RAD51B: variants seen among roughly 807,000 people sequenced by gnomAD.
RAD51B encodes the protein DNA repair protein RAD51 homolog 2.
In RAD51B, 38 loss-of-function variants were observed where a neutral mutation model predicts 42.2. The ratio of observed to expected loss-of-function variants is 0.90; its 90% CI spans 0.70 to 1.18. RAD51B has a LOEUF of 1.18. Among genes scored for constraint, RAD51B ranks in the 50% most tolerant of loss-of-function variants. RAD51B has a pLI of 0.00. For missense variants in RAD51B, 373 were observed against 400.7 expected (o/e 0.93, Z 0.59); for synonymous variants, 154 against 145.2 (o/e 1.06, Z -0.43).
intron 8 of RAD51B, among the ~76,000 whole-genome samples, chr14:68,297,085 C>G (rs1160259237): frequency 1.3e-5 from 2 of 152,186 alleles, no homozygotes; most frequent in Admixed American, 1.3e-4. Flanking sequence ...CTGCGAAAAG[C>G]TGGAGTCCAT....
chr14:67,867,572 T>G (rs2042369370), intron 5 of RAD51B, among the ~76,000 whole-genome samples: 2 of 152,226 alleles, frequency 1.3e-5, no homozygotes, highest in Non-Finnish European at 2.9e-5. Flanking sequence ...TCTTGTAGAT[T>G]TCTCACTGAG....
chr14:67,956,139 C>T (rs143241094), intron 7 of RAD51B, among the ~76,000 whole-genome samples: 244 of 152,220 alleles, frequency 1.6e-3, no homozygotes, highest in African/African-American at 5.6e-3. Context: ...AACAGAGACA[C>T]CAGATTCTTT....
At chr14:68,036,511 C>T (rs946635826) in intron 7 of RAD51B, among the ~76,000 whole-genome samples, 3 of 152,144 alleles carry the variant, frequency 2.0e-5, no homozygotes, top group East Asian at 3.8e-4. Flanking sequence ...TCAGCCTCTG[C>T]GTTTAGTACA....
Position 68,477,821 on chromosome 14 carries a change from C to G in RAD51B, c.*157C>G. The G allele has an allele frequency of 6.8e-7, 1 of 1,461,184 alleles. No homozygotes were observed. The highest frequency in any genetic ancestry group is 9.0e-7 in the Non-Finnish European group (1 of 1,107,308). 90.5% of individuals were successfully genotyped at this position (1,461,184 alleles called of 1,614,324 possible). A position where few individuals can be genotyped will look rare whatever the true frequency, so the allele number is the denominator to read the frequency against. On this transcript the variant is annotated 3_prime_UTR_variant, in exon 11 of 11. Coordinates refer to ENST00000471583, the MANE Select transcript of RAD51B (RefSeq NM_133510.4). ...ACAGATTTGCTCCTAAACCATTGAG[C>G]TAGCGATTTCAGACCTAGCAGGGAA...
At chr14:67,889,255 A>C (rs777927001) in intron 7 of RAD51B, among the ~76,000 whole-genome samples, 1 of 151,724 alleles carries the variant, frequency 6.6e-6, no homozygotes, top group Non-Finnish European at 1.5e-5. Flanking sequence ...CCTTTAGAAA[A>C]TGTTGGAATT....
chr14:68,657,458 G>A lies in RAD51B; in HGVS notation c.*11+6602G>A, dbSNP rs185439234. ...GGCTTCCCAAAGTGCTGGGATTACAGGTGTGAGCCACTGCACCAGCCTCCC... is the reference window on the plus strand; with the variant it reads ...GGCTTCCCAAAGTGCTGGGATTACAAGTGTGAGCCACTGCACCAGCCTCCC... On this transcript the variant is annotated intron_variant, in intron 11 of 11. Coordinates refer to the RAD51B transcript ENST00000488612. 3.0e-3 allele frequency among the ~76,000 whole-genome samples: 454 copies of A among 152,370 alleles called. 1 individual carries two copies. Among genetic ancestry groups the A allele is most frequent in the Non-Finnish European group, 5.2e-3 (352 of 68,030 alleles).
intron 10 of RAD51B, among the ~76,000 whole-genome samples, chr14:68,603,768 C>T (rs1331274324): frequency 6.6e-6 from 1 of 152,228 alleles, no homozygotes; most frequent in Non-Finnish European, 1.5e-5. Context: ...GAGAGGGAGC[C>T]TGCACACGCC....
intron 7 of RAD51B, among the ~76,000 whole-genome samples, chr14:68,157,440 A>G (rs1049489355): frequency 2.0e-5 from 3 of 150,346 alleles, no homozygotes; most frequent in Non-Finnish European, 2.9e-5. Flanking sequence ...ACTATATAGA[A>G]GTAATAAAAT....
intron 7 of RAD51B, among the ~76,000 whole-genome samples, chr14:67,953,609 A>G (rs973318827): frequency 6.6e-6 from 1 of 152,112 alleles, no homozygotes; most frequent in Non-Finnish European, 1.5e-5. Context: ...TTAAGGGGCC[A>G]TTGCAGAGGC....
chr14:67,888,529 G>T (rs1393034836), intron 7 of RAD51B, among the ~76,000 whole-genome samples: 1 of 151,940 alleles, frequency 6.6e-6, no homozygotes, highest in Non-Finnish European at 1.5e-5. Context: ...GGAGGTTGAG[G>T]TTGCATTGAG....
intron 10 of RAD51B, among the ~76,000 whole-genome samples, chr14:68,635,112 A>G (rs1367301369): frequency 1.3e-5 from 2 of 152,258 alleles, no homozygotes; most frequent in Non-Finnish European, 2.9e-5. Flanking sequence ...GATAATGATC[A>G]GATTCCACTT....
chr14:68,413,748 G>A (rs768156712), intron 9 of RAD51B, among the ~76,000 whole-genome samples: 2 of 152,130 alleles, frequency 1.3e-5, no homozygotes, highest in Non-Finnish European at 2.9e-5. Flanking sequence ...CATACGAAGC[G>A]AAGGCTTTTC....
At chr14:67,941,813 G>C (rs1243172218) in intron 7 of RAD51B, among the ~76,000 whole-genome samples, 1 of 152,220 alleles carries the variant, frequency 6.6e-6, no homozygotes, top group Non-Finnish European at 1.5e-5. Context: ...GTTTGCATAT[G>C]GACAGTATTG....
downstream of RAD51B, among the ~76,000 whole-genome samples, chr14:68,613,723 G>C (rs1218911380): frequency 6.6e-6 from 1 of 152,026 alleles, no homozygotes; most frequent in African/African-American, 2.4e-5. Context: ...CAAAGTGCTG[G>C]GATTACAGGC....
intron 8 of RAD51B, among the ~76,000 whole-genome samples, chr14:68,321,484 G>T (rs2082156428): frequency 6.6e-6 from 1 of 152,220 alleles, no homozygotes; most frequent in Non-Finnish European, 1.5e-5. Flanking sequence ...ACTTGGAAGA[G>T]TTCAAAAGCA....
intron 8 of RAD51B, among the ~76,000 whole-genome samples, chr14:68,296,860 C>T (rs748583318): frequency 2.6e-5 from 4 of 152,088 alleles, no homozygotes; most frequent in Admixed American, 6.6e-5. Context: ...ACTTGTTTTC[C>T]GATAGACCAT....
chr14:68,563,993 C>A, intron 10 of RAD51B: 1 of 915,434 alleles, frequency 1.1e-6, no homozygotes, highest in Non-Finnish European at 1.3e-6. Flanking sequence ...CATTATGTGC[C>A]AAAGATCACT....
At chr14:68,672,162 G>A (rs138412191) in intron 11 of RAD51B, among the ~76,000 whole-genome samples, 2 of 152,320 alleles carry the variant, frequency 1.3e-5, no homozygotes, top group African/African-American at 2.4e-5. Flanking sequence ...AGACCCAGAC[G>A]TTCTGTTTTT....
downstream of RAD51B, among the ~76,000 whole-genome samples, chr14:68,615,793 C>T (rs529271723): frequency 6.6e-6 from 1 of 152,196 alleles, no homozygotes; most frequent in South Asian, 2.1e-4. Context: ...CATTCTTTTA[C>T]TTTTAAACTA....
Sources: allele counts gnomAD v4.1 joint callset (sites outside exome capture counted in the v4.1 genomes callset), GRCh38; gene constraint gnomAD v4.1.1; transcripts MANE v1.5; gene names NCBI Gene and HGNC (gene_info 2026-07-23, HGNC 2026-07-21).